The following EFNA2 variants were observed in gnomAD, a reference collection of about 807,000 sequenced individuals.
The protein encoded by EFNA2 is ephrin A2.
Under a neutral mutation model 19.7 loss-of-function variants are expected in EFNA2, and 18 were observed. The observed-to-expected ratio is 0.91, with a 90% CI of 0.63 to 1.35. The LOEUF (loss-of-function observed/expected upper bound fraction) is 1.35. Among genes scored for constraint, EFNA2 ranks in the 40% most tolerant of loss-of-function variants. EFNA2 has a pLI of 0.00. For synonymous variants in EFNA2, 187 were observed against 137.8 expected, an observed-to-expected ratio of 1.36 and a Z score of -2.50; for missense variants, 303 against 296.0, an observed-to-expected ratio of 1.02 and a Z score of -0.17.
chr19:1,292,843 C>T (rs111880478), intron 1 of EFNA2, among the ~76,000 whole-genome samples: 9 of 152,130 alleles, frequency 5.9e-5, no homozygotes, highest in African/African-American at 1.4e-4. Context: ...TGGAGGGGCC[C>T]GGGCACCTGG....
intron 3 of EFNA2, 92 bp from the exon 4 acceptor site, chr19:1,299,732 T>C: frequency 6.9e-7 from 1 of 1,459,436 alleles, no homozygotes; most frequent in South Asian, 1.4e-5. Flanking sequence ...GATGAGCCCG[T>C]TGGGCAGATG....
At position 1,286,292 on chromosome 19, in the gene EFNA2, A is replaced by T; in HGVS notation, c.124A>T (p.Asn42Tyr). Reference sequence around the variant, plus strand: ...CTCGGACCGCTACGCCGTCTACTGGAACCGCAGCAACCCCAGGTGAGCGCG... The same window carrying T: ...CTCGGACCGCTACGCCGTCTACTGGTACCGCAGCAACCCCAGGTGAGCGCG... Reference protein sequence around the residue: ...ANSDRYAVYWNRSNPRFHAGA... With the variant: ...ANSDRYAVYWYRSNPRFHAGA... Residue 42 changes from asparagine to tyrosine, a missense_variant, in exon 1 of 4, where the codon AAC becomes TAC. Physicochemically the swap from Asn to Tyr is moderately radical, Grantham distance 143. Transcript: ENST00000215368. The surrounding 1 kb of genome is among the most constrained non-coding windows in gnomAD (Gnocchi z 5.6). 9.5e-7 allele frequency: 1 copy of T among 1,052,470 alleles called. No homozygotes were observed. 65.2% of individuals were successfully genotyped at this position (1,052,470 alleles called of 1,614,324 possible).
rs1304570007 is a variant in EFNA2, at chr19:1,287,387, C to G, written c.140+1079C>G. 6.6e-6 allele frequency among the ~76,000 whole-genome samples: 1 copy of G among 152,136 alleles called. No homozygotes were observed. Among genetic ancestry groups the G allele is most frequent in the Non-Finnish European group, 1.5e-5 (1 of 68,012 alleles). ...ACATCGGGGGCTGAGGCGGCCCCCC[C>G]CCACTCTTCTGCTACTGGTCACTTT... On this transcript the variant is annotated intron_variant, in intron 1 of 3. Coordinates refer to ENST00000215368, the MANE Select transcript of EFNA2 (RefSeq NM_001405.4). This position sits in a 1 kb window ranked among gnomAD's most constrained non-coding sequence, Gnocchi z 6.2.
In EFNA2 at chr19:1,295,768, G is replaced by C. The variant is rs755187247; in HGVS notation, c.364G>C (p.Gly122Arg). The C allele has an allele frequency of 1.2e-6, 2 of 1,605,480 alleles. No homozygotes were observed. Among genetic ancestry groups the C allele is most frequent in the South Asian group, 1.1e-5 (1 of 90,122 alleles). The change falls in exon 2 of 4, where the codon GGG becomes CGG. Residue 122 changes from glycine to arginine, a missense_variant. Gly to Arg is a moderately radical substitution (Grantham distance 125). Coordinates refer to ENST00000215368, the MANE Select transcript of EFNA2 (RefSeq NM_001405.4). The surrounding 1 kb of genome is among the most constrained non-coding windows in gnomAD (Gnocchi z 5.8). ...GTGCAACCGGCCCGCGGCGCCCGGG[G>C]GGCCGCTCAAGTTCTCGGAGAAGTT... is the stretch of plus-strand genomic sequence containing the variant. ...WECNRPAAPG[G>R]PLKFSEKFQL...
In EFNA2 at chr19:1,298,620, A is replaced by T. The variant is rs1352227194; in HGVS notation, c.520+4A>T. 1 of 1,613,830 alleles carries T rather than the reference A, an allele frequency of 6.2e-7. No homozygotes were observed. Among genetic ancestry groups the T allele is most frequent in the East Asian group, 2.2e-5 (1 of 44,876 alleles). Reference sequence around the variant, plus strand: ...AAGGTGTACGTGCGGCCGACCAGTAAGTGCTCAGGGGGATGGGCAGGATCC... The same window carrying T: ...AAGGTGTACGTGCGGCCGACCAGTATGTGCTCAGGGGGATGGGCAGGATCC... On this transcript the variant is annotated splice_donor_region_variant and intron_variant, in intron 3 of 3. Coordinates refer to ENST00000215368, the MANE Select transcript of EFNA2 (RefSeq NM_001405.4).
In EFNA2 at chr19:1,301,373, C is replaced by T. The variant is rs925979115; in HGVS notation, c.*1428C>T. Among the ~76,000 whole-genome samples the T allele has an allele frequency of 3.3e-5, 5 of 151,706 alleles. No individual in the cohort carries two copies. The highest frequency in any genetic ancestry group is 2.1e-4 in the South Asian group (1 of 4,816). ...GCTGGCGACCGGGCCTCCCTCTTCC[C>T]GTCACAATCAACTTTGGATTCTGTA... On this transcript the variant is annotated 3_prime_UTR_variant, in exon 4 of 4. Coordinates refer to ENST00000215368, the MANE Select transcript of EFNA2 (RefSeq NM_001405.4).
Position 1,295,899 on chromosome 19 carries a change from C to G in EFNA2, c.454+41C>G. 2 of 705,352 alleles carry G rather than the reference C, an allele frequency of 2.8e-6. No individual in the cohort carries two copies. The highest frequency in any genetic ancestry group is 2.1e-5 in the South Asian group (1 of 48,044). The allele number at this position is 705,352 out of a possible 1,614,324, so 43.7% of individuals were successfully genotyped here. On this transcript the variant is annotated intron_variant, in intron 2 of 3. Coordinates refer to ENST00000215368, the MANE Select transcript of EFNA2 (RefSeq NM_001405.4). This position sits in a 1 kb window ranked among gnomAD's most constrained non-coding sequence, Gnocchi z 5.8. ...CCGGGGCTGCCGGGGCCCGAGTGGG[C>G]GGGGACGCGGGGGCGGGGCCAGGAA...
At chr19:1,284,266 G>A (rs2081453397), upstream of EFNA2, among the ~76,000 whole-genome samples, 1 of 152,238 alleles carries the variant, frequency 6.6e-6, no homozygotes, top group African/African-American at 2.4e-5. This position sits in a 1 kb window ranked among gnomAD's most constrained non-coding sequence, Gnocchi z 5.3. Flanking sequence ...TGCTGAGAGA[G>A]CCTGTCCAGA....
At position 1,300,156 on chromosome 19, in the gene EFNA2, G is replaced by T. The variant is rs2081534772; in HGVS notation, c.*211G>T. 2 of 600,666 alleles carry T rather than the reference G, an allele frequency of 3.3e-6. No homozygotes were observed. The highest frequency in any genetic ancestry group is 5.3e-6 in the Non-Finnish European group (2 of 378,726). The allele number at this position is 600,666 out of a possible 1,614,324, so 37.2% of individuals were successfully genotyped here. A position where few individuals can be genotyped will look rare whatever the true frequency, so the allele number is the denominator to read the frequency against. On this transcript the variant is annotated 3_prime_UTR_variant, in exon 4 of 4. Transcript: ENST00000215368. ...GGAAACGGCCGAGAGCCCCCCCCCG[G>T]AGGCCCGAGGGGCCGGGGTGTGGAT...
At chr19:1,284,835 T>C (rs1048237210), upstream of EFNA2, among the ~76,000 whole-genome samples, 1 of 152,230 alleles carries the variant, frequency 6.6e-6, no homozygotes, top group Non-Finnish European at 1.5e-5. The surrounding 1 kb of genome is among the most constrained non-coding windows in gnomAD (Gnocchi z 5.3). Flanking sequence ...ATGACACTAA[T>C]TCAGAGACGT....
Position 1,298,617 on chromosome 19 carries a change from G to A in EFNA2, c.520+1G>A, listed in dbSNP as rs1314792614. 3 of 1,613,892 alleles carry A rather than the reference G, an allele frequency of 1.9e-6. No individual in the cohort carries two copies. Among genetic ancestry groups the A allele is most frequent in the Non-Finnish European group, 2.5e-6 (3 of 1,179,946 alleles). On this transcript the variant is annotated splice_donor_variant, in intron 3 of 3. Coordinates refer to ENST00000215368, the MANE Select transcript of EFNA2 (RefSeq NM_001405.4). LOFTEE classifies it high-confidence loss of function. Reference sequence around the variant, plus strand: ...CTGAAGGTGTACGTGCGGCCGACCAGTAAGTGCTCAGGGGGATGGGCAGGA... The same window carrying A: ...CTGAAGGTGTACGTGCGGCCGACCAATAAGTGCTCAGGGGGATGGGCAGGA...
At chr19:1,293,770 G>A (rs2081502079) in intron 1 of EFNA2, among the ~76,000 whole-genome samples, 1 of 152,236 alleles carries the variant, frequency 6.6e-6, no homozygotes, top group Non-Finnish European at 1.5e-5. Flanking sequence ...GCCCTGCCTT[G>A]AAATTCTTTG....
Position 1,296,728 on chromosome 19 carries a change from GC to G in EFNA2, c.454+874del, listed in dbSNP as rs942721676. On this transcript the variant is annotated intron_variant, in intron 2 of 3. Coordinates refer to ENST00000215368, the MANE Select transcript of EFNA2 (RefSeq NM_001405.4). This position sits in a 1 kb window ranked among gnomAD's most constrained non-coding sequence, Gnocchi z 4.4. The stretch of plus-strand genomic sequence containing the variant: ...GGGTAGGGGTCTCCAGGTCCTCCCT[GC>G]CCCGCACCCACCCCCGCATCTCCCC... Among the ~76,000 whole-genome samples, 3 of 152,136 alleles carry G rather than the reference GC, an allele frequency of 2.0e-5. No individual in the cohort carries two copies. The highest frequency in any genetic ancestry group is 4.4e-5 in the Non-Finnish European group (3 of 68,022).
intron 1 of EFNA2, among the ~76,000 whole-genome samples, chr19:1,290,622 G>C (rs1374806758): frequency 3.3e-5 from 5 of 152,142 alleles, no homozygotes; most frequent in Admixed American, 3.3e-4. Flanking sequence ...CGGTGGCCGT[G>C]TGTTCCCCGG....
chr19:1,296,753 C>T lies in EFNA2; in HGVS notation c.454+895C>T, dbSNP rs1431753390. ...GCCCCGCACCCACCCCCGCATCTCCCCGGGACCCATGCCAGGCTCGGAGAC... is the reference window on the plus strand; with the variant it reads ...GCCCCGCACCCACCCCCGCATCTCCTCGGGACCCATGCCAGGCTCGGAGAC... On this transcript the variant is annotated intron_variant, in intron 2 of 3. Transcript: ENST00000215368. This position sits in a 1 kb window ranked among gnomAD's most constrained non-coding sequence, Gnocchi z 4.4. Among the ~76,000 whole-genome samples, 2 of 152,202 alleles carry T rather than the reference C, an allele frequency of 1.3e-5. No homozygotes were observed. Among genetic ancestry groups the T allele is most frequent in the Non-Finnish European group, 2.9e-5 (2 of 68,044 alleles).
chr19:1,300,241 ATTTTTTTTTTTTTTT>A lies in EFNA2; in HGVS notation c.*317_*331del, dbSNP rs58281257. On this transcript the variant is annotated 3_prime_UTR_variant, in exon 4 of 4. Coordinates refer to ENST00000215368, the MANE Select transcript of EFNA2 (RefSeq NM_001405.4). ...CGGAGAACCCGGGAACCTCTTGGCG[ATTTTTTTTTTTTTTT>A]TTTTTTTTTTTTTTTTTTTTAGTGT... The A allele has an allele frequency of 0.024, 1,012 of 42,728 alleles. 31 individuals carry two copies. The highest frequency in any genetic ancestry group is 0.07 in the African/African-American group (901 of 12,938). The allele number at this position is 42,728 out of a possible 1,614,324, so 2.6% of individuals were successfully genotyped here.
In EFNA2 at chr19:1,287,775, G is replaced by A. The variant is rs1051062664; in HGVS notation, c.140+1467G>A. Among the ~76,000 whole-genome samples the A allele has an allele frequency of 2.4e-4, 37 of 152,364 alleles. No individual in the cohort carries two copies. Among genetic ancestry groups the A allele is most frequent in the African/African-American group, 7.2e-4 (30 of 41,586 alleles). On this transcript the variant is annotated intron_variant, in intron 1 of 3. Transcript: ENST00000215368. The surrounding 1 kb of genome is among the most constrained non-coding windows in gnomAD (Gnocchi z 6.2). ...TCGCTGGCCGTGCGGGGAGTCCAGC[G>A]GGCAGCGCTTCCCCGGCCCAAGTTT...
At position 1,286,279 on chromosome 19, in the gene EFNA2, C is replaced by T. The variant is rs530360125; in HGVS notation, c.111C>T (p.Tyr37=). Residue 37 remains tyrosine, a synonymous_variant, in exon 1 of 4, where the codon TAC becomes TAT. Coordinates refer to ENST00000215368, the MANE Select transcript of EFNA2 (RefSeq NM_001405.4). This position sits in a 1 kb window ranked among gnomAD's most constrained non-coding sequence, Gnocchi z 5.6. ...EDAARANSDR[Y]AVYWNRSNPR... ...CCGCCCGCGCCAACTCGGACCGCTA[C>T]GCCGTCTACTGGAACCGCAGCAACC... 1.1e-5 allele frequency: 12 copies of T among 1,085,586 alleles called. No homozygotes were observed. Among genetic ancestry groups the T allele is most frequent in the Non-Finnish European group, 1.4e-5 (12 of 887,372 alleles). 67.2% of individuals were successfully genotyped at this position (1,085,586 alleles called of 1,614,324 possible). A position where few individuals can be genotyped will look rare whatever the true frequency, so the allele number is the denominator to read the frequency against.
chr19:1,291,280 T>C (rs1038417759), intron 1 of EFNA2, among the ~76,000 whole-genome samples: 4 of 152,202 alleles, frequency 2.6e-5, no homozygotes, highest in Non-Finnish European at 5.9e-5. Context: ...TTGCTTCATT[T>C]CTAGGGCCCT....
Sources: allele counts gnomAD v4.1 joint callset (sites outside exome capture counted in the v4.1 genomes callset), GRCh38; gene constraint gnomAD v4.1.1; non-coding constraint Gnocchi (gnomAD v3.1); transcripts MANE v1.5; gene names NCBI Gene and HGNC (gene_info 2026-07-23, HGNC 2026-07-21).